IFT56: variants seen among roughly 807,000 people sequenced by gnomAD.
IFT56 encodes intraflagellar transport protein 56.
At chr7:139,180,063 C>T in the IFT56 span, among the ~76,000 whole-genome samples, 8 of 152,286 alleles carry the variant, frequency 5.3e-5, no homozygotes, top group Non-Finnish European at 7.4e-5. Context: ...TTAGGCCGGG[C>T]GCGGTGGCTC....
the IFT56 span, chr7:139,161,072 G>A: frequency 6.8e-7 from 1 of 1,461,228 alleles, no homozygotes; most frequent in Non-Finnish European, 9.5e-7. Context: ...CTCTGCTTTG[G>A]TACATCACAG....
At chr7:139,134,416 G>A in the IFT56 span, among the ~76,000 whole-genome samples, 2,435 of 151,958 alleles carry the variant, frequency 0.016, 49 homozygotes, top group African/African-American at 0.054. Flanking sequence ...GACTACAGGC[G>A]CATGCCACCA....
At chr7:139,187,116 A>T in the IFT56 span, among the ~76,000 whole-genome samples, 6 of 151,674 alleles carry the variant, frequency 4.0e-5, no homozygotes, top group African/African-American at 1.5e-4. Flanking sequence ...AAAAAAAAAA[A>T]AAAAAAAGTG....
chr7:139,189,469 G>A, the IFT56 span: 1 of 1,391,014 alleles, frequency 7.2e-7, no homozygotes, highest in East Asian at 2.3e-5. Flanking sequence ...CTTCTACTTT[G>A]ACATAAAACT....
the IFT56 span, chr7:139,147,318 A>T: frequency 1.3e-6 from 2 of 1,556,880 alleles, no homozygotes; most frequent in East Asian, 2.3e-5. Flanking sequence ...CCCACTCTCC[A>T]TTCCTTTCAT....
At chr7:139,147,010 C>T in the IFT56 span, 3 of 1,533,934 alleles carry the variant, frequency 2.0e-6, no homozygotes, top group Non-Finnish European at 2.6e-6. Flanking sequence ...GACAAAGAAC[C>T]TAAGGGAAAT....
chr7:139,173,145 G>C, the IFT56 span: 10 of 666,478 alleles, frequency 1.5e-5, no homozygotes, highest in East Asian at 2.0e-4. Flanking sequence ...ACAAAGGCAG[G>C]CTGGGAGAGA....
the IFT56 span, among the ~76,000 whole-genome samples, chr7:139,165,720 G>C: frequency 6.6e-6 from 1 of 152,092 alleles, no homozygotes; most frequent in Non-Finnish European, 1.5e-5. Context: ...CCCTAAGTAA[G>C]ATTGAAATTG....
At chr7:139,187,361 C>A in the IFT56 span, 1 of 1,599,826 alleles carries the variant, frequency 6.3e-7, no homozygotes, top group South Asian at 1.1e-5. Flanking sequence ...TCTTTCTGTG[C>A]AATCTCTTTA....
At chr7:139,166,843 A>G in the IFT56 span, 3 of 1,570,804 alleles carry the variant, frequency 1.9e-6, no homozygotes, top group East Asian at 6.7e-5. Flanking sequence ...ATTTCAGATG[A>G]TGTACAAGAA....
the IFT56 span, among the ~76,000 whole-genome samples, chr7:139,141,801 T>C: frequency 6.6e-6 from 1 of 152,176 alleles, no homozygotes. Context: ...GGCTAGTATT[T>C]AGGAAAATAT....
At chr7:139,138,681 G>T in the IFT56 span, among the ~76,000 whole-genome samples, 2 of 152,110 alleles carry the variant, frequency 1.3e-5, no homozygotes, top group African/African-American at 4.8e-5. Flanking sequence ...TCCTTTGCTT[G>T]GTTATTTTTA....
At chr7:139,137,045 ATCTTGT>A in the IFT56 span, among the ~76,000 whole-genome samples, 2 of 152,186 alleles carry the variant, frequency 1.3e-5, no homozygotes, top group Non-Finnish European at 2.9e-5. Flanking sequence ...GGATGTCTTC[ATCTTGT>A]AATGACTGAG....
chr7:139,184,986 G>A, the IFT56 span, among the ~76,000 whole-genome samples: 2 of 151,460 alleles, frequency 1.3e-5, no homozygotes, highest in Non-Finnish European at 2.9e-5. Flanking sequence ...CCCGGGAGGT[G>A]GAGCTTGCAG....
chr7:139,178,473 A>G, the IFT56 span: 1 of 1,562,324 alleles, frequency 6.4e-7, no homozygotes, highest in Non-Finnish European at 8.8e-7. Context: ...TATATTTTAT[A>G]TGTTAATTCT....
chr7:139,148,207 G>A, the IFT56 span: 1 of 1,606,276 alleles, frequency 6.2e-7, no homozygotes, highest in Non-Finnish European at 8.5e-7. Flanking sequence ...ATCTAATAGG[G>A]AATACCTTGC....
chr7:139,151,719 T>C, the IFT56 span, among the ~76,000 whole-genome samples: 1 of 152,228 alleles, frequency 6.6e-6, no homozygotes, highest in South Asian at 2.1e-4. Context: ...TGAAAAATAG[T>C]CACATTGATC....
At chr7:139,141,120 G>A in the IFT56 span, among the ~76,000 whole-genome samples, 1 of 151,216 alleles carries the variant, frequency 6.6e-6, no homozygotes, top group African/African-American at 2.4e-5. Context: ...AATTAGCCAG[G>A]CGTGGTGGCG....
At chr7:139,180,343 GA>G in the IFT56 span, among the ~76,000 whole-genome samples, 41 of 141,844 alleles carry the variant, frequency 2.9e-4, no homozygotes, top group African/African-American at 9.3e-4. Flanking sequence ...CTCAAAAAAA[GA>G]AAAAAAAAAG....
Sources: allele counts gnomAD v4.1 joint callset (sites outside exome capture counted in the v4.1 genomes callset), GRCh38; gene constraint gnomAD v4.1.1; transcripts MANE v1.5; gene names NCBI Gene and HGNC (gene_info 2026-07-23, HGNC 2026-07-21).